KCTD10: variants seen among roughly 807,000 people sequenced by gnomAD.
KCTD10 encodes the protein potassium channel tetramerization domain containing 10.
In KCTD10, 13 loss-of-function variants were observed where a neutral mutation model predicts 34.6. The ratio of observed to expected loss-of-function variants is 0.38; its 90% CI spans 0.24 to 0.60. KCTD10 has a LOEUF of 0.60. Among genes scored for constraint, KCTD10 ranks in the 20% least tolerant of loss-of-function variants. KCTD10 has a pLI of 0.66. For synonymous variants in KCTD10, 156 were observed against 168.8 expected (o/e 0.92, Z 0.59); for missense variants, 256 against 420.3 (o/e 0.61, Z 3.42).
chr12:109,467,947 G>A (rs538531251), intron 2 of KCTD10, among the ~76,000 whole-genome samples: 6 of 152,162 alleles, frequency 3.9e-5, no homozygotes, highest in East Asian at 1.9e-4. Flanking sequence ...CTCAGCTTTC[G>A]AGGCAACTCA....
intron 6 of KCTD10, among the ~76,000 whole-genome samples, chr12:109,453,728 G>C (rs1219432265): frequency 1.3e-5 from 2 of 152,178 alleles, no homozygotes; most frequent in Non-Finnish European, 1.5e-5. Context: ...CAGCTTTCTG[G>C]CTGGCCGATC....
intron 2 of KCTD10, among the ~76,000 whole-genome samples, chr12:109,464,074 C>G (rs1385429651): frequency 6.6e-6 from 1 of 152,176 alleles, no homozygotes; most frequent in Non-Finnish European, 1.5e-5. Flanking sequence ...TGTGCTTCCT[C>G]TCTCCCTGGA....
chr12:109,464,643 A>C (rs1873506003), intron 2 of KCTD10: 1 of 293,230 alleles, frequency 3.4e-6, no homozygotes, highest in Admixed American at 4.7e-5. Context: ...CAAAGTAATA[A>C]GAAAAAGGCA....
intron 2 of KCTD10, among the ~76,000 whole-genome samples, chr12:109,465,188 T>C (rs1329612126): frequency 1.3e-5 from 2 of 152,128 alleles, no homozygotes; most frequent in South Asian, 2.1e-4. Context: ...ATCAACAGAA[T>C]ATGGCTCCGG....
chr12:109,469,186 T>C, intron 2 of KCTD10: 1 of 304,090 alleles, frequency 3.3e-6, no homozygotes, highest in Non-Finnish European at 6.2e-6. Flanking sequence ...AATGGGGAGC[T>C]GAGACTGAAA....
chr12:109,457,800 C>T, intron 4 of KCTD10, 118 bp from the exon 5 acceptor site: 2 of 1,190,910 alleles, frequency 1.7e-6, no homozygotes, highest in Non-Finnish European at 2.5e-6. Flanking sequence ...ACAAGCATAG[C>T]TTGCTGGCTG....
chr12:109,468,238 T>G (rs529830645), intron 2 of KCTD10, among the ~76,000 whole-genome samples: 2 of 152,260 alleles, frequency 1.3e-5, no homozygotes, highest in African/African-American at 4.8e-5. Context: ...CCCCACACCC[T>G]GGCCTTCCCC....
At chr12:109,477,181 G>A in intron 1 of KCTD10, 79 bp downstream of exon 1, 2 of 1,539,066 alleles carry the variant, frequency 1.3e-6, no homozygotes, top group Non-Finnish European at 1.8e-6. Context: ...CCCTCCTCTC[G>A]GTCCCTTCTT....
At chr12:109,476,687 G>C (rs1382960951) in intron 1 of KCTD10, among the ~76,000 whole-genome samples, 1 of 151,992 alleles carries the variant, frequency 6.6e-6, no homozygotes, top group African/African-American at 2.4e-5. Context: ...CAGCCTGCTG[G>C]GCTCTCTCGA....
chr12:109,464,508 A>G (rs1241594420), intron 2 of KCTD10, among the ~76,000 whole-genome samples: 1 of 152,150 alleles, frequency 6.6e-6, no homozygotes, highest in Non-Finnish European at 1.5e-5. Flanking sequence ...ATGTAAGTGT[A>G]AAAAAGCGAT....
chr12:109,455,738 AG>A (rs921810372), intron 6 of KCTD10, among the ~76,000 whole-genome samples: 1 of 152,194 alleles, frequency 6.6e-6, no homozygotes, highest in Non-Finnish European at 1.5e-5. Context: ...AATTCAATTA[AG>A]GGGGGGCCAG....
Position 109,449,697 on chromosome 12 carries a change from G to A in KCTD10, c.*1898C>T, listed in dbSNP as rs190452213. The A allele has an allele frequency of 1.3e-5, 2 of 152,248 alleles. No individual in the cohort carries two copies. Among genetic ancestry groups the A allele is most frequent in the Admixed American group, 1.3e-4 (2 of 15,294 alleles). The allele number at this position is 152,248 out of a possible 1,614,324, so 9.4% of individuals were successfully genotyped here. A position where few individuals can be genotyped will look rare whatever the true frequency, so the allele number is the denominator to read the frequency against. On this transcript the variant is annotated 3_prime_UTR_variant, in exon 7 of 7. Coordinates refer to ENST00000228495, the MANE Select transcript of KCTD10 (RefSeq NM_031954.5). ...GTGGAGATGGTGCCACTACACTCCA[G>A]CCTGGCCAATAGAGCAAGACTCCGC...
chr12:109,460,083 T>G lies in KCTD10; in HGVS notation c.387+553A>C, dbSNP rs1474078659. Reference sequence around the variant, plus strand: ...GGGGGAGGCCCAAACAAGGGCCTCATGCACACAGACCAGATTCCTACGAAA... The same window carrying G: ...GGGGGAGGCCCAAACAAGGGCCTCAGGCACACAGACCAGATTCCTACGAAA... On this transcript the variant is annotated intron_variant, in intron 3 of 6. Coordinates refer to ENST00000228495, the MANE Select transcript of KCTD10 (RefSeq NM_031954.5). This position sits in a 1 kb window ranked among gnomAD's most constrained non-coding sequence, Gnocchi z 4.5. Among the ~76,000 whole-genome samples the G allele has an allele frequency of 6.6e-6, 1 of 152,240 alleles. No individual in the cohort carries two copies. The highest frequency in any genetic ancestry group is 1.5e-5 in the Non-Finnish European group (1 of 68,044).
At chr12:109,471,327 A>G in intron 1 of KCTD10, 1 of 985,444 alleles carries the variant, frequency 1.0e-6, no homozygotes, top group Non-Finnish European at 1.2e-6. Context: ...AACTCTCCCC[A>G]ACTCCATGGC....
intron 2 of KCTD10, among the ~76,000 whole-genome samples, chr12:109,467,712 C>A (rs1429574556): frequency 6.6e-6 from 1 of 152,100 alleles, no homozygotes; most frequent in Non-Finnish European, 1.5e-5. Context: ...TGACATGAAA[C>A]AAGTCACAGT....
intron 1 of KCTD10, chr12:109,471,481 A>G (rs977811318): frequency 1.1e-6 from 1 of 947,996 alleles, no homozygotes; most frequent in Non-Finnish European, 1.3e-6. Context: ...ATGTTTTCAA[A>G]AGCTCAGGCT....
chr12:109,457,772 C>A, intron 4 of KCTD10, 90 bp from the exon 5 acceptor site: 1 of 1,355,084 alleles, frequency 7.4e-7, no homozygotes, highest in South Asian at 1.2e-5. Context: ...GGGCCCTGCC[C>A]TGCATCAGAA....
chr12:109,456,384 A>G, intron 5 of KCTD10, 71 bp from the exon 6 acceptor site: 1 of 1,369,004 alleles, frequency 7.3e-7, no homozygotes, highest in Middle Eastern at 1.8e-4. Flanking sequence ...GCCCTTCTAC[A>G]CGCAGGGCCC....
Position 109,460,936 on chromosome 12 carries a change from TCA to T in KCTD10, c.218-133_218-132del, listed in dbSNP as rs563755206. 2.3e-4 allele frequency: 195 copies of T among 861,090 alleles called. No individual in the cohort carries two copies. The African/African-American group carries it at 2.4e-3, about 11-fold the overall frequency. The allele number at this position is 861,090 out of a possible 1,614,324, so 53.3% of individuals were successfully genotyped here. A position where few individuals can be genotyped will look rare whatever the true frequency, so the allele number is the denominator to read the frequency against. On this transcript the variant is annotated intron_variant, in intron 2 of 6. Coordinates refer to ENST00000228495, the MANE Select transcript of KCTD10 (RefSeq NM_031954.5). The surrounding 1 kb of genome is among the most constrained non-coding windows in gnomAD (Gnocchi z 4.5). ...CGGGACTGCCTGGAGAATGGCAGCCTCACCTGCCTACCTGCCCACTAAGGGCT... is the reference window on the plus strand; with the variant it reads ...CGGGACTGCCTGGAGAATGGCAGCCTCCTGCCTACCTGCCCACTAAGGGCT...
Sources: gnomAD v4.1 joint callset for allele counts (sites outside exome capture counted in the v4.1 genomes callset) on GRCh38, gnomAD v4.1.1 for gene constraint, Gnocchi (gnomAD v3.1) non-coding constraint, MANE v1.5 for transcripts, NCBI Gene and HGNC (gene_info 2026-07-23, HGNC 2026-07-21) for gene names.